The following AKAIN1 variants were observed in gnomAD, a reference collection of about 807,000 sequenced individuals.
AKAIN1 encodes A-kinase anchor protein inhibitor 1.
AKAIN1 carries 3 observed loss-of-function variants against 3.7 expected under a neutral mutation model. That is an observed-to-expected ratio of 0.82 (90% CI 0.37 to 2.12). The LOEUF (loss-of-function observed/expected upper bound fraction) is 2.12, where lower values mean the gene tolerates loss of function less well. Among genes scored for constraint, AKAIN1 ranks in the 30% most tolerant of loss-of-function variants. The pLI is 0.06. For synonymous variants in AKAIN1, 31 were observed against 30.8 expected, an observed-to-expected ratio of 1.01 and a Z score of -0.02; for missense variants, 82 against 82.7, an observed-to-expected ratio of 0.99 and a Z score of 0.03.
At chr18:5,150,825 G>A (rs1255863309) in intron 1 of AKAIN1, among the ~76,000 whole-genome samples, 3 of 152,164 alleles carry the variant, frequency 2.0e-5, no homozygotes, top group Non-Finnish European at 1.5e-5. Context: ...TTAAAATTGT[G>A]CTTCTAATGA....
chr18:5,174,777 T>C (rs1321965701), intron 1 of AKAIN1, among the ~76,000 whole-genome samples: 1 of 150,446 alleles, frequency 6.6e-6, no homozygotes. Flanking sequence ...TCAGATGGAG[T>C]GATCGTGACA....
rs537281365 is a variant in AKAIN1, at chr18:5,182,955, A to C, written c.16+14083T>G. Among the ~76,000 whole-genome samples, 6 of 152,190 alleles carry C rather than the reference A, an allele frequency of 3.9e-5. No individual in the cohort carries two copies. The South Asian group carries it at 1.2e-3, about 32-fold the overall frequency. On this transcript the variant is annotated intron_variant, in intron 1 of 1. Transcript: ENST00000434239. ...CTGGACATACGGAAGATTCTTTCTA[A>C]AGACACCAGTTTTACCTAGTGCACA...
intron 1 of AKAIN1, among the ~76,000 whole-genome samples, chr18:5,147,907 T>C (rs2071058498): frequency 6.6e-6 from 1 of 152,246 alleles, no homozygotes; most frequent in African/African-American, 2.4e-5. Context: ...CACGAAGGCA[T>C]AGCTATCAAG....
intron 1 of AKAIN1, among the ~76,000 whole-genome samples, chr18:5,155,914 A>G (rs1187450193): frequency 6.6e-6 from 1 of 151,962 alleles, no homozygotes; most frequent in African/African-American, 2.4e-5. Context: ...GAAGATAGGG[A>G]AAATCCTTGA....
At chr18:5,157,942 C>T (rs1337672799) in intron 1 of AKAIN1, among the ~76,000 whole-genome samples, 1 of 152,184 alleles carries the variant, frequency 6.6e-6, no homozygotes, top group Non-Finnish European at 1.5e-5. Context: ...GATCCTCCTG[C>T]TTCCACTTCC....
intron 1 of AKAIN1, among the ~76,000 whole-genome samples, chr18:5,178,208 A>G (rs960421827): frequency 9.9e-5 from 15 of 152,118 alleles, no homozygotes; most frequent in African/African-American, 3.6e-4. Flanking sequence ...ATTGATATGC[A>G]TGGTTTTGTG....
intron 1 of AKAIN1, among the ~76,000 whole-genome samples, chr18:5,182,687 T>C (rs2143023536): frequency 6.6e-6 from 1 of 152,194 alleles, no homozygotes; most frequent in Non-Finnish European, 1.5e-5. Context: ...TCAAGAAAGC[T>C]CATGCATGTG....
chr18:5,164,690 C>T (rs2071157979), intron 1 of AKAIN1, among the ~76,000 whole-genome samples: 1 of 151,974 alleles, frequency 6.6e-6, no homozygotes, highest in Non-Finnish European at 1.5e-5. Flanking sequence ...GATTCAGTAG[C>T]TTAACAAAAT....
chr18:5,179,707 TAACTTCAAGTAGAAGATA>T (rs1190076310), intron 1 of AKAIN1, among the ~76,000 whole-genome samples: 2 of 152,108 alleles, frequency 1.3e-5, no homozygotes, highest in Non-Finnish European at 2.9e-5. Context: ...TAAAAGAAGA[TAACTTCAAGTAGAAGATA>T]AACTTCAAGG....
At chr18:5,169,624 G>A (rs759522187) in intron 1 of AKAIN1, among the ~76,000 whole-genome samples, 137 of 152,188 alleles carry the variant, frequency 9.0e-4, no homozygotes, top group Non-Finnish European at 1.3e-3. Flanking sequence ...AATGTTTGAC[G>A]AGGCCAGCAA....
At chr18:5,160,646 G>C (rs74832647) in intron 1 of AKAIN1, among the ~76,000 whole-genome samples, 2,556 of 152,208 alleles carry the variant, frequency 0.017, 35 homozygotes, top group Non-Finnish European at 0.024. Flanking sequence ...AGATCATGAA[G>C]TTGTTCTCCT....
chr18:5,174,759 C>T (rs1343295724), intron 1 of AKAIN1, among the ~76,000 whole-genome samples: 3 of 151,990 alleles, frequency 2.0e-5, no homozygotes, highest in Non-Finnish European at 4.4e-5. Flanking sequence ...ATGTAGAAAG[C>T]AATTGTCTCA....
intron 1 of AKAIN1, among the ~76,000 whole-genome samples, chr18:5,164,626 A>G (rs9959635): frequency 2.1e-4 from 32 of 152,014 alleles, no homozygotes; most frequent in African/African-American, 7.7e-4. Flanking sequence ...TCTGTCACAC[A>G]AGCTGTCCTC....
chr18:5,161,011 T>C (rs1255475902), intron 1 of AKAIN1, among the ~76,000 whole-genome samples: 1 of 138,314 alleles, frequency 7.2e-6, no homozygotes, highest in Non-Finnish European at 1.7e-5. Context: ...TATTGAATAA[T>C]AGTGTAGCTA....
chr18:5,159,728 A>C (rs1216654246), intron 1 of AKAIN1, among the ~76,000 whole-genome samples: 1 of 152,182 alleles, frequency 6.6e-6, no homozygotes, highest in Admixed American at 6.5e-5. Flanking sequence ...AACTCTTCTA[A>C]CATAATCTGT....
intron 1 of AKAIN1, among the ~76,000 whole-genome samples, chr18:5,164,995 T>C (rs1343421779): frequency 6.6e-6 from 1 of 152,076 alleles, no homozygotes; most frequent in Non-Finnish European, 1.5e-5. Context: ...GATTTGAATT[T>C]ACTGCTACCT....
At chr18:5,197,258 G>T, upstream of AKAIN1, 2 of 1,375,578 alleles carry the variant, frequency 1.5e-6, no homozygotes, top group East Asian at 3.0e-5. This position sits in a 1 kb window ranked among gnomAD's most constrained non-coding sequence, Gnocchi z 6.9. Context: ...CCTCCACAAT[G>T]CGGCCACAGC....
intron 1 of AKAIN1, among the ~76,000 whole-genome samples, chr18:5,179,753 C>T (rs1284519402): frequency 6.6e-6 from 1 of 152,134 alleles, no homozygotes; most frequent in Non-Finnish European, 1.5e-5. Context: ...TTAGGACACA[C>T]ATCAAATACA....
chr18:5,161,484 C>T (rs1401964054), intron 1 of AKAIN1, among the ~76,000 whole-genome samples: 1 of 152,032 alleles, frequency 6.6e-6, no homozygotes, highest in East Asian at 1.9e-4. Flanking sequence ...AACTTGCTGT[C>T]TTCCTTTCAA....
Sources: allele counts gnomAD v4.1 joint callset (sites outside exome capture counted in the v4.1 genomes callset), GRCh38; gene constraint gnomAD v4.1.1; non-coding constraint Gnocchi (gnomAD v3.1); transcripts MANE v1.5; gene names NCBI Gene and HGNC (gene_info 2026-07-23, HGNC 2026-07-21).